The following CERS5 variants were observed in gnomAD, a reference collection of about 807,000 sequenced individuals.
The protein encoded by CERS5 is ceramide synthase 5.
A neutral mutation model predicts 58.9 loss-of-function variants in CERS5; 37 were observed. The observed-to-expected ratio is 0.63, with a 90% CI of 0.48 to 0.83. The LOEUF is 0.83. CERS5 is among the 40% of genes least tolerant of loss of function. The pLI is 0.00. For synonymous variants in CERS5, 147 were observed against 177.8 expected (o/e 0.83, Z 1.38); for missense variants, 398 against 489.3 (o/e 0.81, Z 1.76).
chr12:50,138,121 A>G (rs528561849), intron 5 of CERS5, among the ~76,000 whole-genome samples: 1 of 152,302 alleles, frequency 6.6e-6, no homozygotes, highest in East Asian at 1.9e-4. Context: ...TGCTTTTCAC[A>G]GGATTAAATA....
At chr12:50,166,477 C>T (rs540530126) in intron 1 of CERS5, among the ~76,000 whole-genome samples, 27 of 152,314 alleles carry the variant, frequency 1.8e-4, no homozygotes, top group Non-Finnish European at 3.2e-4. Context: ...TGACATCTTT[C>T]CATTACTTTG....
At chr12:50,143,702 G>C in intron 2 of CERS5, 1 of 423,404 alleles carries the variant, frequency 2.4e-6, no homozygotes, top group East Asian at 3.9e-5. Context: ...GTATGTGTCT[G>C]GGGAAAGAGG....
intron 4 of CERS5, among the ~76,000 whole-genome samples, chr12:50,138,863 A>G (rs1951826278): frequency 6.6e-6 from 1 of 152,216 alleles, no homozygotes; most frequent in South Asian, 2.1e-4. Context: ...AGTTTTAGGA[A>G]ATATCACTAC....
At position 50,143,214 on chromosome 12, in the gene CERS5, T is replaced by C; in HGVS notation, c.304-10A>G. 2 of 1,613,882 alleles carry C rather than the reference T, an allele frequency of 1.2e-6. No homozygotes were observed. The highest frequency in any genetic ancestry group is 1.7e-6 in the Non-Finnish European group (2 of 1,179,908). ...TTTTCTTATCAGGATACTGTGAATGTATAACCAGAGTCAGAACACCCGTCT... is the reference window on the plus strand; with the variant it reads ...TTTTCTTATCAGGATACTGTGAATGCATAACCAGAGTCAGAACACCCGTCT... On this transcript the variant is annotated splice_polypyrimidine_tract_variant and intron_variant, in intron 2 of 9. Transcript: ENST00000317551.
rs1197474516 is a variant in CERS5 at position 50,156,437 on chromosome 12, T to TATATATATAA, written c.197+10663_197+10664insTTATATATAT. 1.7e-4 allele frequency among the ~76,000 whole-genome samples: 19 copies of TATATATATAA among 108,834 alleles called. 2 individuals are homozygous for TATATATATAA. Among genetic ancestry groups the TATATATATAA allele is most frequent in the Admixed American group, 4.8e-4 (5 of 10,372 alleles). The allele number at this position is 108,834 out of a possible 152,430, so 71.4% of individuals were successfully genotyped here. ...CAAACAAACTATATATATATATATA[T>TATATATATAA]AAAACAATTAGTAGCCAGGTGTGGT... On this transcript the variant is annotated intron_variant, in intron 1 of 9. Transcript: ENST00000317551.
intron 1 of CERS5, among the ~76,000 whole-genome samples, chr12:50,155,773 G>A (rs1938517557): frequency 7.3e-6 from 1 of 136,908 alleles, no homozygotes; most frequent in Non-Finnish European, 1.6e-5. Context: ...GGCCCAGCCT[G>A]GGTAACATGA....
chr12:50,162,583 A>G (rs1002009612), intron 1 of CERS5, among the ~76,000 whole-genome samples: 3 of 151,922 alleles, frequency 2.0e-5, no homozygotes, highest in African/African-American at 4.8e-5. Context: ...AATTGTCCCA[A>G]TATACCTCTT....
chr12:50,167,364 G>T lies in CERS5; in HGVS notation c.-67C>A. 1 of 1,439,118 alleles carries T rather than the reference G, an allele frequency of 6.9e-7. No individual in the cohort carries two copies. 89.1% of individuals were successfully genotyped at this position (1,439,118 alleles called of 1,614,324 possible). A position where few individuals can be genotyped will look rare whatever the true frequency, so the allele number is the denominator to read the frequency against. Reference sequence around the variant, plus strand: ...TGCCGCCACAGCCAACGGAACCCGCGGGGAGGCGGCCCCAGGGCGGGGCCC... The same window carrying T: ...TGCCGCCACAGCCAACGGAACCCGCTGGGAGGCGGCCCCAGGGCGGGGCCC... On this transcript the variant is annotated 5_prime_UTR_variant, in exon 1 of 10. Transcript: ENST00000317551.
At chr12:50,130,755 A>C in intron 9 of CERS5, 61 bp from the exon 10 acceptor site, 37 of 1,473,548 alleles carry the variant, frequency 2.5e-5, no homozygotes, top group Non-Finnish European at 3.4e-5. Flanking sequence ...ACCTAAGCTC[A>C]GAGACCCAGG....
chr12:50,136,057 T>C lies in CERS5; in HGVS notation c.649A>G (p.Met217Val). The C allele has an allele frequency of 6.7e-7, 1 of 1,494,200 alleles. No individual in the cohort carries two copies. The highest frequency in any genetic ancestry group is 8.9e-7 in the Non-Finnish European group (1 of 1,124,478). The allele number at this position is 1,494,200 out of a possible 1,614,324, so 92.6% of individuals were successfully genotyped here. A position where few individuals can be genotyped will look rare whatever the true frequency, so the allele number is the denominator to read the frequency against. Residue 217 changes from methionine (M) to valine (V), a missense_variant, in exon 7 of 10, where the codon ATG (methionine) becomes GTG (valine). By Grantham distance (21) the Met-to-Val change is conservative (BLOSUM62 1). This residue lies in a region of CERS5 where 328 missense variants were observed against 384.5 expected (regional missense o/e 0.85). Transcript: ENST00000317551. ...TDIKRKDFLI[M>V]FVHHLVTIGL... ...ATGGTGACCAAGTGATGCACAAACATGATCAGGAAGTCCTAGGAAGGAATG... is the reference window on the plus strand; with the variant it reads ...ATGGTGACCAAGTGATGCACAAACACGATCAGGAAGTCCTAGGAAGGAATG...
Position 50,152,363 on chromosome 12 carries a change from A to G in CERS5, c.198-8306T>C, listed in dbSNP as rs74828246. 8.5e-3 allele frequency among the ~76,000 whole-genome samples: 1,293 copies of G among 152,366 alleles called. 24 individuals carry two copies. Among genetic ancestry groups the G allele is most frequent in the African/African-American group, 0.03 (1,255 of 41,582 alleles). On this transcript the variant is annotated intron_variant, in intron 1 of 9. Coordinates refer to ENST00000317551, the MANE Select transcript of CERS5 (RefSeq NM_147190.5). ...GCTAGGTCTTCTCAATTTTTAAAAC[A>G]TGCCAGTTTTGCTTAAGAATGTCCT...
At chr12:50,142,151 A>G in intron 3 of CERS5, 41 bp from the exon 4 acceptor site, 1 of 1,380,616 alleles carries the variant, frequency 7.2e-7, no homozygotes, top group Non-Finnish European at 1.0e-6. Flanking sequence ...ATGTCCACTC[A>G]AACCAAAGCC....
intron 1 of CERS5, chr12:50,165,894 T>G (rs532538295): frequency 2.2e-6 from 1 of 452,250 alleles, no homozygotes; most frequent in African/African-American, 2.0e-5. Flanking sequence ...CCCACAGGTA[T>G]AAATTCACAT....
rs1468659716 is a variant in CERS5, at chr12:50,135,134, AG to A, written c.873-433del. On this transcript the variant is annotated intron_variant, in intron 8 of 9. Coordinates refer to ENST00000317551, the MANE Select transcript of CERS5 (RefSeq NM_147190.5). ...GGAGGGAGGGAGAGAGAGGAGAGGG[AG>A]GGAGAGAGAGAGGAGGGAGGGAGAG... Among the ~76,000 whole-genome samples the A allele has an allele frequency of 1.0e-4, 7 of 66,780 alleles. 1 individual carries two copies. Among genetic ancestry groups the A allele is most frequent in the African/African-American group, 3.5e-4 (5 of 14,252 alleles). The allele number at this position is 66,780 out of a possible 152,430, so 43.8% of individuals were successfully genotyped here.
chr12:50,161,869 CTTTT>C (rs765766688), intron 1 of CERS5, among the ~76,000 whole-genome samples: 1 of 67,306 alleles, frequency 1.5e-5, no homozygotes. Flanking sequence ...TGTTCTTCTT[CTTTT>C]TTTTTTTTTT....
chr12:50,140,973 C>T (rs770851340), intron 4 of CERS5, among the ~76,000 whole-genome samples: 4 of 151,650 alleles, frequency 2.6e-5, no homozygotes, highest in African/African-American at 9.7e-5. Context: ...ATTTTGAAAA[C>T]ACAATGATAT....
At chr12:50,132,047 G>A (rs1352737118) in intron 9 of CERS5, among the ~76,000 whole-genome samples, 1 of 151,990 alleles carries the variant, frequency 6.6e-6, no homozygotes, top group East Asian at 2.0e-4. Context: ...CGAGGCTGCA[G>A]TGAGCCATGA....
chr12:50,138,914 C>G (rs1487790042), intron 4 of CERS5, among the ~76,000 whole-genome samples: 1 of 152,148 alleles, frequency 6.6e-6, no homozygotes, highest in African/African-American at 2.4e-5. Flanking sequence ...CATTTGATAA[C>G]CAAGAAAGAT....
At chr12:50,132,920 T>A in intron 9 of CERS5, 2 of 1,287,672 alleles carry the variant, frequency 1.6e-6, no homozygotes, top group African/African-American at 3.0e-5. Context: ...CACATTCAGA[T>A]GGACATGCCT....
Sources: gnomAD v4.1 joint callset for allele counts (sites outside exome capture counted in the v4.1 genomes callset) on GRCh38, gnomAD v4.1.1 for gene constraint, gnomAD v4.1.1 regional missense constraint, MANE v1.5 for transcripts, NCBI Gene and HGNC (gene_info 2026-07-23, HGNC 2026-07-21) for gene names.